Variants in RNF216 observed in about 807,000 individuals in gnomAD.
RNF216 encodes E3 ubiquitin-protein ligase RNF216.
RNF216 carries 72 observed loss-of-function variants against 110.8 expected under a neutral mutation model. The observed-to-expected ratio is 0.65, with a 90% CI of 0.54 to 0.79. The LOEUF (loss-of-function observed/expected upper bound fraction) is 0.79. RNF216 is among the 30% of genes least tolerant of loss of function. RNF216 has a pLI of 0.00. For missense variants in RNF216, 1,342 were observed against 1,141.2 expected (o/e 1.18, Z -2.54); for synonymous variants, 495 against 407.5 (o/e 1.21, Z -2.59).
intron 9 of RNF216, among the ~76,000 whole-genome samples, chr7:5,719,217 C>T (rs547308009): frequency 3.3e-5 from 5 of 151,880 alleles, no homozygotes; most frequent in Admixed American, 6.6e-5. Flanking sequence ...CCAGGCTCTA[C>T]AAAAAAAGTT....
chr7:5,688,321 G>C (rs768404052), intron 13 of RNF216, among the ~76,000 whole-genome samples: 9 of 152,306 alleles, frequency 5.9e-5, no homozygotes, highest in Admixed American at 1.3e-4. Flanking sequence ...CACATATCTG[G>C]AAATCATAAA....
At chr7:5,739,613 T>C in intron 4 of RNF216, 1 of 554,978 alleles carries the variant, frequency 1.8e-6, no homozygotes, top group Non-Finnish European at 3.4e-6. Flanking sequence ...CAACAAATAT[T>C]GAGCATCTCT....
intron 13 of RNF216, among the ~76,000 whole-genome samples, chr7:5,683,833 G>T (rs968729930): frequency 2.0e-5 from 3 of 152,166 alleles, no homozygotes; most frequent in African/African-American, 7.2e-5. Context: ...AAGCCCAGCA[G>T]AATTTACAGC....
In RNF216 at chr7:5,621,066, C is replaced by A. The variant is rs1786323729; in HGVS notation, c.*1794G>T. On this transcript the variant is annotated 3_prime_UTR_variant, in exon 17 of 17. Transcript: ENST00000389902. ...GCGCCAGCAAGGACATAGCAGCAGGCTGCCCCCAAGCCCGGCCTCCCTGCG... is the reference window on the plus strand; with the variant it reads ...GCGCCAGCAAGGACATAGCAGCAGGATGCCCCCAAGCCCGGCCTCCCTGCG... The A allele has an allele frequency of 6.6e-6, 1 of 152,294 alleles. No individual in the cohort carries two copies. The highest frequency in any genetic ancestry group is 6.5e-5 in the Admixed American group (1 of 15,286). 9.4% of individuals were successfully genotyped at this position (152,294 alleles called of 1,614,324 possible).
chr7:5,658,621 C>T (rs575696296), intron 13 of RNF216, among the ~76,000 whole-genome samples: 3 of 143,036 alleles, frequency 2.1e-5, no homozygotes, highest in South Asian at 4.4e-4. Flanking sequence ...CAAGCTACTG[C>T]ACTCCAGTCT....
At chr7:5,775,689 G>C (rs1166428968) in intron 1 of RNF216, among the ~76,000 whole-genome samples, 3 of 152,008 alleles carry the variant, frequency 2.0e-5, no homozygotes, top group Admixed American at 2.0e-4. Context: ...GGCCAACACG[G>C]TAAAACCTGT....
At chr7:5,718,244 G>A (rs1432741241) in intron 9 of RNF216, among the ~76,000 whole-genome samples, 1 of 151,994 alleles carries the variant, frequency 6.6e-6, no homozygotes, top group African/African-American at 2.4e-5. Flanking sequence ...AGCCAGGCAT[G>A]GTGGGGCGCA....
chr7:5,729,274 G>A (rs1317579978), intron 7 of RNF216, among the ~76,000 whole-genome samples, 158 bp downstream of exon 7: 8 of 152,022 alleles, frequency 5.3e-5, no homozygotes, highest in African/African-American at 1.2e-4. Context: ...CATTTAGTCC[G>A]TCACGATGAG....
intron 13 of RNF216, among the ~76,000 whole-genome samples, chr7:5,695,342 G>A (rs1584465756): frequency 1.3e-5 from 2 of 152,128 alleles, no homozygotes; most frequent in Admixed American, 6.5e-5. Flanking sequence ...CCACAGAGAC[G>A]AAAACGACAC....
At chr7:5,719,787 T>C (rs1317665838) in intron 9 of RNF216, among the ~76,000 whole-genome samples, 4 of 152,352 alleles carry the variant, frequency 2.6e-5, no homozygotes, top group African/African-American at 9.6e-5. Context: ...TGAATAATCA[T>C]AGTTTTTCTG....
chr7:5,629,684 A>G (rs1786941746), intron 15 of RNF216, among the ~76,000 whole-genome samples: 1 of 151,932 alleles, frequency 6.6e-6, no homozygotes, highest in Admixed American at 6.6e-5. Context: ...AAAATTAGCT[A>G]GGTGCAGTGG....
intron 9 of RNF216, among the ~76,000 whole-genome samples, chr7:5,719,641 T>C (rs961314009): frequency 6.6e-6 from 1 of 152,246 alleles, no homozygotes; most frequent in African/African-American, 2.4e-5. Flanking sequence ...CTGATAAGAT[T>C]GGTGATATCA....
At chr7:5,763,791 T>A (rs187041605) in intron 1 of RNF216, among the ~76,000 whole-genome samples, 2 of 152,286 alleles carry the variant, frequency 1.3e-5, no homozygotes, top group East Asian at 3.9e-4. Context: ...CAGGCTGGTT[T>A]GGATATCCCG....
At chr7:5,778,203 T>C (rs1005454455) in intron 1 of RNF216, among the ~76,000 whole-genome samples, 12 of 152,080 alleles carry the variant, frequency 7.9e-5, no homozygotes, top group African/African-American at 2.2e-4. Context: ...TCATACCTTT[T>C]CCCCCCGCAT....
At chr7:5,745,049 C>T (rs1463569736) in intron 3 of RNF216, among the ~76,000 whole-genome samples, 1 of 151,840 alleles carries the variant, frequency 6.6e-6, no homozygotes, top group Non-Finnish European at 1.5e-5. Context: ...ATAAACATGT[C>T]AAGGATATCA....
chr7:5,770,781 G>T (rs1193084561), intron 1 of RNF216, among the ~76,000 whole-genome samples: 1 of 151,628 alleles, frequency 6.6e-6, no homozygotes, highest in African/African-American at 2.4e-5. Context: ...CAGACCAATG[G>T]AACAGAGTGC....
Position 5,641,370 on chromosome 7 carries a change from T to C in RNF216, c.2166A>G (p.Glu722=), listed in dbSNP as rs763268708. 4.3e-6 allele frequency: 7 copies of C among 1,612,270 alleles called. No individual in the cohort carries two copies. In the South Asian group the frequency reaches 7.7e-5, roughly 18 times the overall value. Residue 722 remains glutamate (E), a synonymous_variant, in exon 15 of 17, where the codon GAA becomes GAG. Transcript: ENST00000389902. ...TTCTAATGCGGGCAGCAGTCATTTT[T>C]TCTTCACTGAAATAAGAAAACATAA... ...DDIKYRTSIE[E]KMTAARIRKC...
intron 15 of RNF216, among the ~76,000 whole-genome samples, chr7:5,636,272 T>C (rs1169977055): frequency 6.6e-6 from 1 of 152,218 alleles, no homozygotes; most frequent in African/African-American, 2.4e-5. Context: ...AAAACTGTGG[T>C]ATGCTGTGAC....
chr7:5,653,241 C>T (rs1788506528), intron 13 of RNF216, among the ~76,000 whole-genome samples: 2 of 152,012 alleles, frequency 1.3e-5, no homozygotes, highest in Non-Finnish European at 2.9e-5. Flanking sequence ...TTCTAGGATC[C>T]TTCATAGTTT....
Sources: allele counts gnomAD v4.1 joint callset (sites outside exome capture counted in the v4.1 genomes callset), GRCh38; gene constraint gnomAD v4.1.1; transcripts MANE v1.5; gene names NCBI Gene and HGNC (gene_info 2026-07-23, HGNC 2026-07-21).